The following SLF2 variants were observed in gnomAD, a reference collection of about 807,000 sequenced individuals.
The protein encoded by SLF2 is SMC5/6 complex localization factor 2.
A neutral mutation model predicts 124.3 loss-of-function variants in SLF2; 68 were observed. That is an observed-to-expected ratio of 0.55 (90% CI 0.45 to 0.67). The LOEUF (loss-of-function observed/expected upper bound fraction) is 0.67, where lower values mean the gene tolerates loss of function less well. Ranked by LOEUF, SLF2 falls within the 30% of genes least tolerant of loss-of-function variation. The probability of loss-of-function intolerance (pLI) is 0.00; values close to 1 mark genes in which losing one functional copy is unlikely to be tolerated. For missense variants in SLF2, 1,246 were observed against 1,373.7 expected, an observed-to-expected ratio of 0.91 and a Z score of 1.47; for synonymous variants, 480 against 478.8, an observed-to-expected ratio of 1.00 and a Z score of -0.03.
At chr10:100,940,372 T>G (rs549662114) in intron 11 of SLF2, among the ~76,000 whole-genome samples, 4 of 152,126 alleles carry the variant, frequency 2.6e-5, no homozygotes, top group Admixed American at 1.3e-4. Flanking sequence ...GTGTGTGTGT[T>G]TGTTTGAGAC....
intron 9 of SLF2, among the ~76,000 whole-genome samples, chr10:100,932,424 A>G (rs1156637146): frequency 2.0e-5 from 3 of 152,234 alleles, no homozygotes; most frequent in African/African-American, 7.2e-5. Context: ...AAAAGTATCA[A>G]TGGTGTCAGA....
Position 100,962,841 on chromosome 10 carries a change from A to ATGTGTGTGTG in SLF2, c.*948_*957dup, listed in dbSNP as rs34345512. 4.0e-4 allele frequency: 58 copies of ATGTGTGTGTG among 144,212 alleles called. No individual in the cohort carries two copies. The highest frequency in any genetic ancestry group is 1.4e-3 in the African/African-American group (54 of 39,276). The allele number at this position is 144,212 out of a possible 1,614,324, so 8.9% of individuals were successfully genotyped here. A position where few individuals can be genotyped will look rare whatever the true frequency, so the allele number is the denominator to read the frequency against. On this transcript the variant is annotated 3_prime_UTR_variant, in exon 20 of 20. Transcript: ENST00000238961. ...ATTCTTTGGGACACTGTGTCTGTGT[A>ATGTGTGTGTG]TGTGTGTGTGTGTGTGTGTGTGTGT...
intron 11 of SLF2, among the ~76,000 whole-genome samples, chr10:100,942,118 C>T (rs1230555060): frequency 1.3e-5 from 2 of 152,080 alleles, no homozygotes; most frequent in Admixed American, 1.3e-4. Context: ...TCTCCAGTTC[C>T]CTGTAGACAC....
chr10:100,927,089 A>C (rs551814969), intron 6 of SLF2, among the ~76,000 whole-genome samples: 4 of 152,104 alleles, frequency 2.6e-5, no homozygotes, highest in Non-Finnish European at 5.9e-5. Flanking sequence ...GTGTTTTTTT[A>C]ATGGAAAATA....
rs1051878872 is a variant in SLF2 at position 100,956,962 on chromosome 10, T to A, written c.3417+425T>A. ...AAACATGTAAGATTAGAAATAGGAC[T>A]TTCTCTTTTAATAACAGAAATCAGC... On this transcript the variant is annotated intron_variant, in intron 18 of 19. Transcript: ENST00000238961. 3.9e-5 allele frequency among the ~76,000 whole-genome samples: 6 copies of A among 152,138 alleles called. No individual in the cohort carries two copies. In the East Asian group the frequency reaches 1.2e-3, roughly 29 times the overall value.
Position 100,924,601 on chromosome 10 carries a change from A to G in SLF2, c.1600A>G (p.Asn534Asp). ...HKAKTNKADS[N>D]VSSGKISGGP... Reference sequence around the variant, plus strand: ...AGCAAAGACTAATAAGGCCGATTCTAATGTATCTTCAGGGAAAATTTCTGG... The same window carrying G: ...AGCAAAGACTAATAAGGCCGATTCTGATGTATCTTCAGGGAAAATTTCTGG... The change falls in exon 5 of 20, where the codon AAT becomes GAT. Residue 534 changes from asparagine (N) to aspartate (D), a missense_variant. Transcript: ENST00000238961. The G allele has an allele frequency of 6.2e-7, 1 of 1,614,092 alleles. No individual in the cohort carries two copies. Among genetic ancestry groups the G allele is most frequent in the Non-Finnish European group, 8.5e-7 (1 of 1,180,022 alleles).
chr10:100,913,693 G>A lies in SLF2; in HGVS notation c.140+443G>A, dbSNP rs116006963. 137 of 999,678 alleles carry A rather than the reference G, an allele frequency of 1.4e-4. No homozygotes were observed. In the African/African-American group the frequency reaches 2.3e-3, roughly 17 times the overall value. 61.9% of individuals were successfully genotyped at this position (999,678 alleles called of 1,614,324 possible). On this transcript the variant is annotated intron_variant, in intron 1 of 19. Coordinates refer to ENST00000238961, the MANE Select transcript of SLF2 (RefSeq NM_018121.4). ...GGGAATCCCTTCCACGAATTACTTT[G>A]TAGTCCAGCGTGCACGCTAGTTCAT...
chr10:100,940,791 C>T (rs1045573975), intron 11 of SLF2, among the ~76,000 whole-genome samples: 1 of 122,592 alleles, frequency 8.2e-6, no homozygotes, highest in Non-Finnish European at 1.7e-5. Flanking sequence ...CTGCTCCTGC[C>T]CCTGCCCCTC....
In SLF2 at chr10:100,950,657, T is replaced by TTATTCATTTCTCTAACAGGCA; in HGVS notation, c.3253-14_3259dup. ...GCTAGCTAATTCATAGGTGTTAATT[T>TTATTCATTTCTCTAACAGGCA]TATTCATTTCTCTAACAGGCATATT... On this transcript the variant is annotated intron_variant, in intron 16 of 19. Coordinates refer to ENST00000238961, the MANE Select transcript of SLF2 (RefSeq NM_018121.4). 6.3e-7 allele frequency: 1 copy of TTATTCATTTCTCTAACAGGCA among 1,596,102 alleles called. No individual in the cohort carries two copies. Among genetic ancestry groups the TTATTCATTTCTCTAACAGGCA allele is most frequent in the South Asian group, 1.1e-5 (1 of 90,524 alleles).
intron 19 of SLF2, among the ~76,000 whole-genome samples, chr10:100,961,300 G>A (rs769469838): frequency 1.9e-4 from 29 of 152,026 alleles, no homozygotes; most frequent in African/African-American, 5.8e-4. Context: ...ATGAGCCACC[G>A]CGCCTGGCTG....
chr10:100,957,166 C>T (rs1022581300), intron 18 of SLF2, among the ~76,000 whole-genome samples: 2 of 152,024 alleles, frequency 1.3e-5, no homozygotes, highest in Non-Finnish European at 2.9e-5. Context: ...GCTTAAGTTA[C>T]CATCAAGGAT....
intron 18 of SLF2, among the ~76,000 whole-genome samples, chr10:100,957,025 GA>G (rs888436047): frequency 6.6e-6 from 1 of 151,662 alleles, no homozygotes; most frequent in African/African-American, 2.4e-5. Flanking sequence ...AAAGTGAAAG[GA>G]AAAAAAATCT....
Position 100,963,260 on chromosome 10 carries a change from G to C in SLF2, c.*1348G>C, listed in dbSNP as rs1018791262. The C allele has an allele frequency of 6.6e-6, 1 of 152,564 alleles. No individual in the cohort carries two copies. The highest frequency in any genetic ancestry group is 1.5e-5 in the Non-Finnish European group (1 of 68,032). 9.5% of individuals were successfully genotyped at this position (152,564 alleles called of 1,614,324 possible). ...TTTCTACCTCTAAATTGAGGCTTAGGAGTAAAAAGCATTTTGTCCTAAATT... is the reference window on the plus strand; with the variant it reads ...TTTCTACCTCTAAATTGAGGCTTAGCAGTAAAAAGCATTTTGTCCTAAATT... On this transcript the variant is annotated 3_prime_UTR_variant, in exon 20 of 20. Coordinates refer to ENST00000238961, the MANE Select transcript of SLF2 (RefSeq NM_018121.4).
intron 4 of SLF2, among the ~76,000 whole-genome samples, chr10:100,919,228 G>T (rs1453911892): frequency 6.6e-6 from 1 of 151,882 alleles, no homozygotes; most frequent in East Asian, 1.9e-4. Flanking sequence ...AGCCAGGATG[G>T]TCTCGATCTC....
chr10:100,948,768 C>T (rs1850156505), intron 15 of SLF2, among the ~76,000 whole-genome samples: 1 of 152,118 alleles, frequency 6.6e-6, no homozygotes, highest in Non-Finnish European at 1.5e-5. Flanking sequence ...CACGTGTAGT[C>T]CCAGCTACTC....
intron 11 of SLF2, among the ~76,000 whole-genome samples, chr10:100,942,359 A>G (rs1284802726): frequency 6.6e-6 from 1 of 152,208 alleles, no homozygotes; most frequent in Non-Finnish European, 1.5e-5. Flanking sequence ...TCAGGAAAGC[A>G]GTTTACTTAC....
intron 12 of SLF2, among the ~76,000 whole-genome samples, 177 bp downstream of exon 12, chr10:100,944,305 C>G (rs1348511100): frequency 1.3e-5 from 2 of 151,892 alleles, no homozygotes; most frequent in East Asian, 3.9e-4. Flanking sequence ...ACCATCCTGG[C>G]TAACACGGTG....
chr10:100,959,380 T>G, intron 18 of SLF2, 48 bp from the exon 19 acceptor site: 5 of 1,544,448 alleles, frequency 3.2e-6, no homozygotes, highest in Non-Finnish European at 4.4e-6. Flanking sequence ...TGATTGTAGG[T>G]GAGAATGTTT....
In SLF2 at chr10:100,924,104, C is replaced by G. The variant is rs983593815; in HGVS notation, c.1103C>G (p.Pro368Arg). ...ESFLEKRPDGPHQKEKFIKHI... is the reference protein window; with the variant it reads ...ESFLEKRPDGRHQKEKFIKHI... Reference sequence around the variant, plus strand: ...TTCCTTGAGAAGCGTCCTGATGGACCACATCAGAAAGAAAAATTTATAAAA... The same window carrying G: ...TTCCTTGAGAAGCGTCCTGATGGACGACATCAGAAAGAAAAATTTATAAAA... Residue 368 changes from proline to arginine, a missense_variant, in exon 5 of 20, where the codon CCA becomes CGA. By Grantham distance (103) the Pro-to-Arg change is moderately radical. This residue lies in a region of SLF2 where 698 missense variants were observed against 708.9 expected (regional missense o/e 0.98). Transcript: ENST00000238961. 2.5e-6 allele frequency: 4 copies of G among 1,613,358 alleles called. No individual in the cohort carries two copies. The highest frequency in any genetic ancestry group is 3.3e-5 in the Admixed American group (2 of 59,798).
Sources: allele counts gnomAD v4.1 joint callset (sites outside exome capture counted in the v4.1 genomes callset), GRCh38; gene constraint gnomAD v4.1.1; regional missense constraint gnomAD v4.1.1; transcripts MANE v1.5; gene names NCBI Gene and HGNC (gene_info 2026-07-23, HGNC 2026-07-21).